NRXN1: variants seen among roughly 807,000 people sequenced by gnomAD.
NRXN1 encodes neurexin-1.
A neutral mutation model predicts 150.9 loss-of-function variants in NRXN1; 39 were observed. That is an observed-to-expected ratio of 0.26 (90% CI 0.20 to 0.34). NRXN1 has a LOEUF of 0.34. NRXN1 is among the 10% of genes least tolerant of loss of function. NRXN1 has a pLI of 1.00. For missense variants in NRXN1, 1,815 were observed against 1,949.9 expected (o/e 0.93, Z 1.30); for synonymous variants, 924 against 757.0 (o/e 1.22, Z -3.62).
At chr2:50,211,092 TGAAAAAAATTTA>T (rs2062981062) in intron 18 of NRXN1, among the ~76,000 whole-genome samples, 2 of 151,572 alleles carry the variant, frequency 1.3e-5, no homozygotes, top group African/African-American at 4.8e-5. Flanking sequence ...CAAACTGACT[TGAAAAAAATTTA>T]AAAGTGGCCA....
intron 5 of NRXN1, among the ~76,000 whole-genome samples, chr2:50,874,947 A>C (rs1441330395): frequency 6.6e-6 from 1 of 151,864 alleles, no homozygotes; most frequent in Admixed American, 6.6e-5. Context: ...AACTGGTAGA[A>C]CCACAATTAC....
intron 21 of NRXN1, among the ~76,000 whole-genome samples, chr2:49,949,766 C>T (rs1410435840): frequency 6.6e-6 from 1 of 151,760 alleles, no homozygotes; most frequent in Non-Finnish European, 1.5e-5. Flanking sequence ...TAATATTTAA[C>T]TGTTGTGACT....
At chr2:50,577,211 C>A (rs536363007) in intron 8 of NRXN1, among the ~76,000 whole-genome samples, 3 of 151,822 alleles carry the variant, frequency 2.0e-5, no homozygotes, top group Admixed American at 1.3e-4. Flanking sequence ...ATTATGGGGA[C>A]GTAAAAGATT....
chr2:51,027,391 G>C lies in NRXN1; in HGVS notation c.772+111C>G, dbSNP rs1422398481. The C allele has an allele frequency of 2.0e-5, 23 of 1,145,234 alleles. 1 individual carries two copies. The South Asian group carries it at 3.3e-4, about 16-fold the overall frequency. 70.9% of individuals were successfully genotyped at this position (1,145,234 alleles called of 1,614,324 possible). A position where few individuals can be genotyped will look rare whatever the true frequency, so the allele number is the denominator to read the frequency against. On this transcript the variant is annotated intron_variant, in intron 2 of 22. Transcript: ENST00000401669. ...AGAAACAAGGTCCTTCCCTCGAAGC[G>C]AACTGCCACACGTTTGCCAAGATTA...
intron 17 of NRXN1, among the ~76,000 whole-genome samples, chr2:50,256,421 G>C (rs2067707733): frequency 6.6e-6 from 1 of 152,046 alleles, no homozygotes; most frequent in African/African-American, 2.4e-5. Context: ...TAAAGACTTT[G>C]TTTTAAAAAG....
At chr2:50,205,232 T>C (rs1371111274) in intron 18 of NRXN1, among the ~76,000 whole-genome samples, 1 of 152,096 alleles carries the variant, frequency 6.6e-6, no homozygotes, top group Non-Finnish European at 1.5e-5. Context: ...TGAAAAACTT[T>C]GCATTTTAGT....
chr2:50,215,994 A>G (rs1198991669), intron 18 of NRXN1, among the ~76,000 whole-genome samples: 1 of 152,096 alleles, frequency 6.6e-6, no homozygotes, highest in Non-Finnish European at 1.5e-5. Flanking sequence ...GGAACTAAAT[A>G]TGCTTATAAG....
chr2:50,504,740 C>G (rs551070667), intron 13 of NRXN1, among the ~76,000 whole-genome samples: 1 of 152,234 alleles, frequency 6.6e-6, no homozygotes, highest in East Asian at 1.9e-4. Flanking sequence ...GCAGTGACTT[C>G]CAATTTCCTG....
At chr2:50,268,294 T>C (rs2069137755) in intron 17 of NRXN1, among the ~76,000 whole-genome samples, 1 of 152,202 alleles carries the variant, frequency 6.6e-6, no homozygotes, top group African/African-American at 2.4e-5. Flanking sequence ...CAATTATGAC[T>C]GAAAATTGCT....
intron 17 of NRXN1, among the ~76,000 whole-genome samples, chr2:50,350,281 C>T (rs1011426077): frequency 1.4e-4 from 22 of 152,158 alleles, no homozygotes; most frequent in African/African-American, 5.1e-4. Context: ...TGTATTTTCT[C>T]CATAAGGCAC....
At chr2:50,030,537 C>T (rs1689032495) in intron 21 of NRXN1, among the ~76,000 whole-genome samples, 1 of 152,274 alleles carries the variant, frequency 6.6e-6, no homozygotes, top group Non-Finnish European at 1.5e-5. Context: ...TCTCCTACAT[C>T]TGCTCTTAAA....
intron 18 of NRXN1, among the ~76,000 whole-genome samples, chr2:50,148,465 A>T (rs78990026): frequency 6.6e-6 from 1 of 151,590 alleles, no homozygotes; most frequent in African/African-American, 2.4e-5. Flanking sequence ...GCAAAAAAAA[A>T]CAAAGTCTAA....
At chr2:50,626,270 A>AC (rs1681025616) in intron 5 of NRXN1, among the ~76,000 whole-genome samples, 1 of 151,920 alleles carries the variant, frequency 6.6e-6, no homozygotes, top group Non-Finnish European at 1.5e-5. Flanking sequence ...AAAAAATTTA[A>AC]AAAAACAGGT....
chr2:50,471,541 T>C (rs1487636833), intron 16 of NRXN1, among the ~76,000 whole-genome samples: 4 of 151,922 alleles, frequency 2.6e-5, no homozygotes, highest in Non-Finnish European at 1.5e-5. Context: ...ATATCTGTAA[T>C]TATGCATTGC....
rs182275161 is a variant in NRXN1 at position 50,985,755 on chromosome 2, A to G, written c.772+41747T>C. On this transcript the variant is annotated intron_variant, in intron 2 of 22. Transcript: ENST00000401669. ...TAAGCAAGAAATACAGTTCAAAGGC[A>G]TGAAGGAAAAGACTGATACATTTAC... Among the ~76,000 whole-genome samples the G allele has an allele frequency of 3.7e-3, 564 of 151,902 alleles. 5 individuals carry two copies. The highest frequency in any genetic ancestry group is 4.4e-3 in the Non-Finnish European group (299 of 67,764).
chr2:50,125,326 T>C (rs1445822033), intron 18 of NRXN1, among the ~76,000 whole-genome samples: 1 of 152,170 alleles, frequency 6.6e-6, no homozygotes, highest in Admixed American at 6.5e-5. Context: ...ATCTTTGTCG[T>C]TGTTGCTGTT....
At chr2:50,656,411 A>C (rs766292049) in intron 5 of NRXN1, 4 of 776,022 alleles carry the variant, frequency 5.2e-6, no homozygotes, top group African/African-American at 1.7e-5. Flanking sequence ...AAGAAGTCAC[A>C]AATAGGAGTT....
intron 17 of NRXN1, among the ~76,000 whole-genome samples, chr2:50,293,105 T>G (rs1431893436): frequency 6.6e-6 from 1 of 152,168 alleles, no homozygotes; most frequent in Non-Finnish European, 1.5e-5. Flanking sequence ...TTTTCAAATA[T>G]TGCTGGCTTT....
At chr2:50,036,906 T>C (rs1690125809) in intron 21 of NRXN1, among the ~76,000 whole-genome samples, 1 of 152,114 alleles carries the variant, frequency 6.6e-6, no homozygotes, top group South Asian at 2.1e-4. Context: ...ACTAGTCCAG[T>C]TGAGATCAGC....
Sources: gnomAD v4.1 joint callset for allele counts (sites outside exome capture counted in the v4.1 genomes callset) on GRCh38, gnomAD v4.1.1 for gene constraint, MANE v1.5 for transcripts, NCBI Gene and HGNC (gene_info 2026-07-23, HGNC 2026-07-21) for gene names.